SORBS2: variants seen among roughly 807,000 people sequenced by gnomAD.
SORBS2 encodes the protein sorbin and SH3 domain containing 2.
In SORBS2, 46 loss-of-function variants were observed where a neutral mutation model predicts 97.7. That is an observed-to-expected ratio of 0.47 (90% CI 0.37 to 0.60). The LOEUF (loss-of-function observed/expected upper bound fraction) is 0.60, where lower values mean the gene tolerates loss of function less well. Ranked by LOEUF, SORBS2 falls within the 20% of genes least tolerant of loss-of-function variation. The pLI, the probability that SORBS2 is intolerant of heterozygous loss-of-function variation, is 0.00. For missense variants in SORBS2, 1,316 were observed against 1,282.3 expected (o/e 1.03, Z -0.40); for synonymous variants, 476 against 473.4 (o/e 1.01, Z -0.07).
rs1292784645 is a variant in SORBS2 at position 185,893,031 on chromosome 4, T to C, written c.-338+63165A>G. On this transcript the variant is annotated intron_variant, in intron 1 of 20. Transcript: ENST00000284776. ...AACTACATAATATATTCTTCTGTGA[T>C]TTGAACACTCCGATTACTATTGAGA... Among the ~76,000 whole-genome samples, 3 of 152,264 alleles carry C rather than the reference T, an allele frequency of 2.0e-5. No individual in the cohort carries two copies. In the East Asian group the frequency reaches 5.8e-4, roughly 29 times the overall value.
intron 1 of SORBS2, among the ~76,000 whole-genome samples, chr4:185,878,242 T>C (rs1013239008): frequency 6.6e-6 from 1 of 152,204 alleles, no homozygotes; most frequent in Non-Finnish European, 1.5e-5. Flanking sequence ...AGGTTTTCTC[T>C]ATTTTGGCAA....
rs1186358402 is a variant in SORBS2, at chr4:185,638,172, A to T, written c.397-7574T>A. 7 of 1,561,042 alleles carry T rather than the reference A, an allele frequency of 4.5e-6. No individual in the cohort carries two copies. The highest frequency in any genetic ancestry group is 6.2e-6 in the Non-Finnish European group (7 of 1,134,012). ...GATTTATGCGATCAGTCTAGAGCAG[A>T]TGTGAAGGAAAAGGGAAGGAAAAGG... is the stretch of plus-strand genomic sequence containing the variant. On this transcript the variant is annotated intron_variant, in intron 4 of 14. Transcript: ENST00000418609.
chr4:185,875,691 G>T (rs1044611153), intron 1 of SORBS2, among the ~76,000 whole-genome samples: 5 of 152,248 alleles, frequency 3.3e-5, no homozygotes, highest in African/African-American at 7.2e-5. Context: ...TCCCTTTAGA[G>T]GTAAACCCTG....
In SORBS2 at chr4:185,694,447, T is replaced by C. The variant is rs554654273; in HGVS notation, c.-197-15625A>G. Among the ~76,000 whole-genome samples the C allele has an allele frequency of 2.0e-5, 3 of 152,334 alleles. No individual in the cohort carries two copies. In the East Asian group the frequency reaches 5.8e-4, roughly 29 times the overall value. ...GTCTCCGAACATGAAGGTGTCAGCA[T>C]GATTTTCAATAGGTGCTAGGGGATT... On this transcript the variant is annotated intron_variant, in intron 2 of 20. Transcript: ENST00000284776.
chr4:185,737,663 T>TGCCTCTGCGGGGATGGGC (rs1294445513), intron 2 of SORBS2, among the ~76,000 whole-genome samples: 1 of 152,126 alleles, frequency 6.6e-6, no homozygotes, highest in Non-Finnish European at 1.5e-5. Flanking sequence ...AGAAGGCGGC[T>TGCCTCTGCGGGGATGGGC]GCCTCTGCGG....
intron 1 of SORBS2, among the ~76,000 whole-genome samples, chr4:185,907,228 C>T (rs1435247763): frequency 6.6e-6 from 1 of 152,056 alleles, no homozygotes; most frequent in Non-Finnish European, 1.5e-5. Context: ...TGAAGTCGAA[C>T]CATGGAATAG....
intron 1 of SORBS2, among the ~76,000 whole-genome samples, chr4:185,916,444 A>C (rs1335479142): frequency 6.6e-6 from 1 of 152,180 alleles, no homozygotes; most frequent in African/African-American, 2.4e-5. Flanking sequence ...CCACCCAGTC[A>C]CCTGCCTGTG....
At chr4:185,654,886 A>G (rs930313132) in intron 1 of SORBS2, among the ~76,000 whole-genome samples, 7 of 152,208 alleles carry the variant, frequency 4.6e-5, no homozygotes, top group African/African-American at 1.7e-4. Context: ...CTCTACACTG[A>G]TTTAACACGC....
At chr4:185,879,703 A>T (rs1025756760) in intron 1 of SORBS2, among the ~76,000 whole-genome samples, 3 of 152,068 alleles carry the variant, frequency 2.0e-5, no homozygotes, top group Admixed American at 6.5e-5. Context: ...CTTTTTAATG[A>T]TCGCCATTCT....
intron 1 of SORBS2, among the ~76,000 whole-genome samples, chr4:185,776,630 G>A (rs780997269): frequency 1.8e-4 from 27 of 152,110 alleles, no homozygotes; most frequent in Non-Finnish European, 3.4e-4. Flanking sequence ...AAAAACTGCC[G>A]GTGGCTCAGG....
chr4:185,871,029 C>G (rs6853037), intron 1 of SORBS2, among the ~76,000 whole-genome samples: 31,238 of 152,126 alleles, frequency 0.21, 3,963 homozygotes, highest in East Asian at 0.54. Context: ...TTCCCAAATA[C>G]AAAGTTAATG....
chr4:185,943,898 G>T (rs760943995), intron 1 of SORBS2, among the ~76,000 whole-genome samples: 2 of 152,102 alleles, frequency 1.3e-5, no homozygotes, highest in Non-Finnish European at 2.9e-5. Context: ...ACACATGCCC[G>T]TGAGGACCTA....
intron 1 of SORBS2, among the ~76,000 whole-genome samples, chr4:185,830,358 C>T (rs2153673436): frequency 6.6e-6 from 1 of 152,332 alleles, no homozygotes; most frequent in African/African-American, 2.4e-5. Context: ...AAACCCAGCA[C>T]ACATAGGTGC....
intron 12 of SORBS2, among the ~76,000 whole-genome samples, chr4:185,597,455 A>T (rs1243375241): frequency 6.6e-6 from 1 of 152,212 alleles, no homozygotes; most frequent in Admixed American, 6.5e-5. Flanking sequence ...ATTCAACTCC[A>T]TTTTGCAGAA....
chr4:185,733,426 G>A (rs775866845), intron 2 of SORBS2, among the ~76,000 whole-genome samples: 11 of 152,224 alleles, frequency 7.2e-5, no homozygotes, highest in Admixed American at 3.3e-4. Context: ...CCGAAACAGC[G>A]AACAGTGACA....
At chr4:185,656,843 C>T (rs2097414674) in exon 1 of SORBS2, 1 of 1,346,060 alleles carries the variant, frequency 7.4e-7, no homozygotes, top group African/African-American at 1.5e-5. Flanking sequence ...CTTATCATCC[C>T]AGGAGAGCTC....
intron 4 of SORBS2, among the ~76,000 whole-genome samples, chr4:185,635,875 T>TCACTC (rs2096989620): frequency 6.7e-6 from 1 of 149,884 alleles, no homozygotes; most frequent in Non-Finnish European, 1.5e-5. Context: ...TTTTATTTTT[T>TCACTC]TGAGACAGGG....
At chr4:185,720,033 C>T (rs1309469218) in intron 2 of SORBS2, among the ~76,000 whole-genome samples, 1 of 152,220 alleles carries the variant, frequency 6.6e-6, no homozygotes, top group African/African-American at 2.4e-5. Flanking sequence ...GCCCTCTTTG[C>T]TTTTCCCTTT....
At chr4:185,835,269 T>C (rs74545356) in intron 1 of SORBS2, among the ~76,000 whole-genome samples, 4,222 of 152,314 alleles carry the variant, frequency 0.028, 196 homozygotes, top group African/African-American at 0.097. Flanking sequence ...AATGCAAGAA[T>C]GAACTAATAC....
Sources: gnomAD v4.1 joint callset for allele counts (sites outside exome capture counted in the v4.1 genomes callset) on GRCh38, gnomAD v4.1.1 for gene constraint, MANE v1.5 for transcripts, NCBI Gene and HGNC (gene_info 2026-07-23, HGNC 2026-07-21) for gene names.